Variants in CTC1 observed in about 807,000 individuals in gnomAD.
CTC1 encodes CST telomere replication complex component 1.
Under a neutral mutation model 136.3 loss-of-function variants are expected in CTC1, and 91 were observed. That is an observed-to-expected ratio of 0.67 (90% CI 0.56 to 0.79). The LOEUF is 0.79. Among genes scored for constraint, CTC1 ranks in the 30% least tolerant of loss-of-function variants. CTC1 has a pLI of 0.00. For missense variants in CTC1, 1,432 were observed against 1,498.1 expected (o/e 0.96, Z 0.73); for synonymous variants, 606 against 613.8 (o/e 0.99, Z 0.19).
In CTC1 at chr17:8,236,040, A is replaced by C; in HGVS notation, c.1077+18T>G. 6.2e-7 allele frequency: 1 copy of C among 1,603,372 alleles called. No homozygotes were observed. Among genetic ancestry groups the C allele is most frequent in the Non-Finnish European group, 8.5e-7 (1 of 1,171,508 alleles). ...CATTTCTGGCCCCTCAAGCTCTAGGATCTCTCCCTGTGCTCACCGAATAGG... is the reference window on the plus strand; with the variant it reads ...CATTTCTGGCCCCTCAAGCTCTAGGCTCTCTCCCTGTGCTCACCGAATAGG... On this transcript the variant is annotated intron_variant, in intron 6 of 22. Transcript: ENST00000651323.
In CTC1 at chr17:8,242,997, G is replaced by T. The variant is rs1227405883; in HGVS notation, c.185C>A (p.Pro62His). The T allele has an allele frequency of 6.2e-7, 1 of 1,612,218 alleles. No homozygotes were observed. Among genetic ancestry groups the T allele is most frequent in the Admixed American group, 1.7e-5 (1 of 59,768 alleles). ...CACCTCTCCTTACCTATAGCTGAGG[G>T]GCAGTGTAGAACCTTGGTTCCTTCC... ...SQGRNQGSTL[P>H]LSYSFVSVQD... The change falls in exon 2 of 23, where the codon CCC becomes CAC. Residue 62 changes from proline to histidine, a missense_variant. Coordinates refer to ENST00000651323, the MANE Select transcript of CTC1 (RefSeq NM_025099.6).
chr17:8,234,443 G>GT lies in CTC1; in HGVS notation c.1818+11_1818+12insA. On this transcript the variant is annotated intron_variant, in intron 10 of 22. Coordinates refer to ENST00000651323, the MANE Select transcript of CTC1 (RefSeq NM_025099.6). ...AGGGAAATCACCTGAGCCCTGCTAG[G>GT]GTCCCCCTTACCTGGGCTGGGCAGA... 1 of 1,551,398 alleles carries GT rather than the reference G, an allele frequency of 6.4e-7. No homozygotes were observed. Among genetic ancestry groups the GT allele is most frequent in the South Asian group, 1.2e-5 (1 of 84,058 alleles).
In CTC1 at chr17:8,232,465, C is replaced by T. The variant is rs2151511215; in HGVS notation, c.1956G>A (p.Val652=). ...LSDPRLIGCL[V]RAERFQLIVE... is the part of the protein sequence containing the mutation. The stretch of plus-strand genomic sequence containing the variant: ...CGATCAACTGAAACCTCTCTGCCCG[C>T]ACCAGGCAGCCTAGAGGAAGAAAGT... Residue 652 remains valine (V), a synonymous_variant, in exon 12 of 23, where the codon GTG becomes GTA. Coordinates refer to ENST00000651323, the MANE Select transcript of CTC1 (RefSeq NM_025099.6). The T allele has an allele frequency of 2.5e-6, 4 of 1,613,882 alleles. No individual in the cohort carries two copies. Among genetic ancestry groups the T allele is most frequent in the East Asian group, 4.5e-5 (2 of 44,880 alleles).
At chr17:8,238,004 C>T (rs1319187902) in intron 4 of CTC1, 27 bp downstream of exon 4, 2 of 1,588,268 alleles carry the variant, frequency 1.3e-6, no homozygotes, top group African/African-American at 1.3e-5. Flanking sequence ...TTACAGCGCC[C>T]CTGCCATGCC....
intron 13 of CTC1, 27 bp downstream of exon 13, chr17:8,231,876 T>TC (rs770646889): frequency 1.1e-4 from 182 of 1,613,062 alleles, no homozygotes; most frequent in Non-Finnish European, 1.4e-4. Context: ...GCAGGTCAGG[T>TC]CCTGGGTCCC....
At chr17:8,240,030 G>A (rs1988076381) in intron 2 of CTC1, among the ~76,000 whole-genome samples, 1 of 152,120 alleles carries the variant, frequency 6.6e-6, no homozygotes, top group Admixed American at 6.6e-5. Context: ...GGGAAACTCA[G>A]AGGCTCAGGT....
intron 1 of CTC1, among the ~76,000 whole-genome samples, chr17:8,244,077 C>G (rs2151548920): frequency 6.6e-6 from 1 of 152,154 alleles, no homozygotes; most frequent in East Asian, 1.9e-4. Flanking sequence ...TCAAAAAAAC[C>G]AAAACCAAAA....
Position 8,238,024 on chromosome 17 carries a change from A to T in CTC1, c.647+7T>A, listed in dbSNP as rs766352626. The stretch of plus-strand genomic sequence containing the variant: ...GCGCCCCTGCCATGCCTAGAGGGGG[A>T]AATTACCTGAGCCTGAGCAGGCAGG... On this transcript the variant is annotated splice_region_variant and intron_variant, in intron 4 of 22. Transcript: ENST00000651323. The T allele has an allele frequency of 6.2e-7, 1 of 1,609,396 alleles. No homozygotes were observed. Among genetic ancestry groups the T allele is most frequent in the Non-Finnish European group, 8.5e-7 (1 of 1,176,478 alleles).
intron 12 of CTC1, 23 bp from the exon 13 acceptor site, chr17:8,232,250 C>T (rs780602761): frequency 5.2e-6 from 8 of 1,540,062 alleles, no homozygotes; most frequent in Non-Finnish European, 7.0e-6. Flanking sequence ...ACAAGGAATA[C>T]ATTTCTTAGT....
Position 8,232,460 on chromosome 17 carries a change from G to T in CTC1, c.1961C>A (p.Ala654Glu). 1.9e-6 allele frequency: 3 copies of T among 1,613,908 alleles called. No homozygotes were observed. Among genetic ancestry groups the T allele is most frequent in the Non-Finnish European group, 2.5e-6 (3 of 1,179,882 alleles). Residue 654 changes from alanine to glutamate, a missense_variant, in exon 12 of 23, where the codon GCA becomes GAA. Physicochemically the swap from Ala to Glu is moderately radical, Grantham distance 107 (BLOSUM62 -1). Coordinates refer to ENST00000651323, the MANE Select transcript of CTC1 (RefSeq NM_025099.6). ...CTCTACGATCAACTGAAACCTCTCTGCCCGCACCAGGCAGCCTAGAGGAAG... is the reference window on the plus strand; with the variant it reads ...CTCTACGATCAACTGAAACCTCTCTTCCCGCACCAGGCAGCCTAGAGGAAG... ...DPRLIGCLVR[A>E]ERFQLIVERD...
intron 6 of CTC1, 44 bp downstream of exon 6, chr17:8,236,014 A>C (rs1243724241): frequency 6.3e-7 from 1 of 1,598,270 alleles, no homozygotes. Flanking sequence ...TTGAAAACCC[A>C]CATTTCTGGC....
chr17:8,231,676 A>C (rs760165786), intron 14 of CTC1, 50 bp downstream of exon 14: 23 of 1,559,970 alleles, frequency 1.5e-5, no homozygotes, highest in African/African-American at 2.7e-5. Flanking sequence ...TTTAGACCCC[A>C]ACCCCAAAAA....
intron 1 of CTC1, 56 bp from the exon 2 acceptor site, chr17:8,243,204 T>C (rs1597397113): frequency 5.2e-6 from 8 of 1,539,356 alleles, no homozygotes; most frequent in Middle Eastern, 1.7e-4. Flanking sequence ...CCAAGGAAAC[T>C]TGGGAAGAAT....
chr17:8,244,295 T>C (rs939726938), intron 1 of CTC1, among the ~76,000 whole-genome samples: 5 of 152,226 alleles, frequency 3.3e-5, no homozygotes, highest in South Asian at 2.1e-4. Context: ...CTGAGGAGGA[T>C]ATGGACTATC....
chr17:8,231,150 C>A (rs1323570921), intron 15 of CTC1, 126 bp downstream of exon 15: 57 of 810,064 alleles, frequency 7.0e-5, no homozygotes, highest in South Asian at 4.1e-4. Context: ...CAAAAAAAAA[C>A]AAACAAAAAC....
intron 1 of CTC1, 142 bp downstream of exon 1, chr17:8,247,862 A>G: frequency 1.3e-6 from 1 of 764,728 alleles, no homozygotes; most frequent in South Asian, 1.6e-5. Context: ...AAGAGGTAGG[A>G]GCGGACCGAC....
intron 21 of CTC1, 25 bp downstream of exon 21, chr17:8,228,702 T>A: frequency 6.2e-7 from 1 of 1,613,822 alleles, no homozygotes. Flanking sequence ...GGTATCCGAG[T>A]CCCTCCCTCC....
rs1597375772 is a variant in CTC1 at position 8,230,430 on chromosome 17, C to CTGT, written c.2794_2796dup (p.Thr932dup). ...TCACATTCAGCAGTCTCAAGAGCGACTGTTAGCTTCACACACCTTCTCATG... is the reference window on the plus strand; with the variant it reads ...TCACATTCAGCAGTCTCAAGAGCGACTGTTGTTAGCTTCACACACCTTCTCATG... On this transcript the variant is annotated inframe_insertion, in exon 17 of 23. Transcript: ENST00000651323. The CTGT allele has an allele frequency of 6.8e-6, 11 of 1,614,092 alleles. No individual in the cohort carries two copies. The highest frequency in any genetic ancestry group is 7.6e-6 in the Non-Finnish European group (9 of 1,179,970).
In CTC1 at chr17:8,226,999, AC is replaced by A. The variant is rs1244290596; in HGVS notation, c.*1180del. 3.3e-5 allele frequency: 5 copies of A among 152,756 alleles called. No individual in the cohort carries two copies. The highest frequency in any genetic ancestry group is 1.9e-4 in the South Asian group (1 of 5,268). The allele number at this position is 152,756 out of a possible 1,614,324, so 9.5% of individuals were successfully genotyped here. ...AAAAAAAAGCCACCCACTGGCCCGT[AC>A]GGGGTTCGAACCCGCGACCTTGGCG... On this transcript the variant is annotated 3_prime_UTR_variant, in exon 23 of 23. Transcript: ENST00000651323.
Sources: gnomAD v4.1 joint callset for allele counts (sites outside exome capture counted in the v4.1 genomes callset) on GRCh38, gnomAD v4.1.1 for gene constraint, MANE v1.5 for transcripts, NCBI Gene and HGNC (gene_info 2026-07-23, HGNC 2026-07-21) for gene names.